Variants in GPC5 observed in about 807,000 individuals in gnomAD.
GPC5 encodes the protein glypican-5.
In GPC5, 47 loss-of-function variants were observed where a neutral mutation model predicts 53.9. That is an observed-to-expected ratio of 0.87 (90% CI 0.69 to 1.11). GPC5 has a LOEUF of 1.11. Ranked by LOEUF, GPC5 falls within the 50% of genes most tolerant of loss-of-function variation. GPC5 has a pLI of 0.00. For synonymous variants in GPC5, 286 were observed against 263.3 expected, an observed-to-expected ratio of 1.09 and a Z score of -0.84; for missense variants, 748 against 713.1, an observed-to-expected ratio of 1.05 and a Z score of -0.56.
chr13:92,271,661 G>A (rs2139156064), intron 7 of GPC5, among the ~76,000 whole-genome samples: 1 of 152,244 alleles, frequency 6.6e-6, no homozygotes, highest in Admixed American at 6.5e-5. Flanking sequence ...CTGAGATAAA[G>A]AAATCCAGGG....
chr13:92,628,902 C>A (rs1207175856), intron 7 of GPC5, among the ~76,000 whole-genome samples: 1 of 152,158 alleles, frequency 6.6e-6, no homozygotes, highest in Non-Finnish European at 1.5e-5. Flanking sequence ...TGGTGGGAAG[C>A]ATTTCCCATC....
intron 7 of GPC5, among the ~76,000 whole-genome samples, chr13:92,678,732 G>T (rs899506837): frequency 8.5e-5 from 13 of 152,152 alleles, no homozygotes; most frequent in African/African-American, 3.1e-4. Context: ...GGCTGATATG[G>T]TTCACAGCTT....
At chr13:91,552,982 G>A (rs2030736557) in intron 2 of GPC5, among the ~76,000 whole-genome samples, 1 of 152,028 alleles carries the variant, frequency 6.6e-6, no homozygotes, top group Admixed American at 6.6e-5. Flanking sequence ...AAATTTAATG[G>A]TGCATCATGG....
intron 7 of GPC5, among the ~76,000 whole-genome samples, chr13:92,192,510 C>A (rs1485281273): frequency 1.3e-5 from 2 of 151,952 alleles, no homozygotes; most frequent in Non-Finnish European, 2.9e-5. Context: ...ATGATCATTC[C>A]TTTTTTCACA....
At chr13:91,470,441 T>C (rs1342582256) in intron 2 of GPC5, among the ~76,000 whole-genome samples, 1 of 152,044 alleles carries the variant, frequency 6.6e-6, no homozygotes, top group Non-Finnish European at 1.5e-5. Context: ...GTAAAAAAAA[T>C]TGGAAGTGGG....
intron 7 of GPC5, among the ~76,000 whole-genome samples, chr13:92,158,937 A>T (rs970505665): frequency 1.3e-5 from 2 of 152,186 alleles, no homozygotes; most frequent in Non-Finnish European, 2.9e-5. Context: ...GAAGGCACCC[A>T]GATGCTTTTG....
At chr13:92,307,734 G>T (rs532156690) in intron 7 of GPC5, among the ~76,000 whole-genome samples, 8 of 152,100 alleles carry the variant, frequency 5.3e-5, no homozygotes, top group Non-Finnish European at 1.2e-4. Context: ...GGTAGGTGCT[G>T]GGATAAAGGA....
At chr13:91,909,564 T>A (rs1192528363) in intron 6 of GPC5, among the ~76,000 whole-genome samples, 1 of 152,124 alleles carries the variant, frequency 6.6e-6, no homozygotes, top group Non-Finnish European at 1.5e-5. Context: ...ATTAGTGCAA[T>A]AGCACATACA....
At chr13:91,884,426 G>C (rs2039301321) in intron 5 of GPC5, among the ~76,000 whole-genome samples, 1 of 152,248 alleles carries the variant, frequency 6.6e-6, no homozygotes, top group South Asian at 2.1e-4. Flanking sequence ...GCCATAAAAA[G>C]TGAGATCATG....
intron 6 of GPC5, among the ~76,000 whole-genome samples, chr13:92,054,035 A>G (rs1444102239): frequency 2.6e-5 from 1 of 37,874 alleles, no homozygotes; most frequent in East Asian, 1.3e-3. Context: ...TCCATTTCAA[A>G]TAAATAAATA....
chr13:92,495,704 G>A (rs1215916144), intron 7 of GPC5, among the ~76,000 whole-genome samples: 4 of 151,078 alleles, frequency 2.6e-5, no homozygotes, highest in Admixed American at 1.3e-4. Flanking sequence ...GTAGACAGGC[G>A]GTTTTTTGTT....
chr13:91,448,092 C>T (rs892366671), intron 1 of GPC5, among the ~76,000 whole-genome samples: 3 of 152,196 alleles, frequency 2.0e-5, no homozygotes, highest in Admixed American at 6.5e-5. Flanking sequence ...AATAACTTTA[C>T]ATTTCATGCA....
intron 7 of GPC5, among the ~76,000 whole-genome samples, chr13:92,608,880 A>C (rs751748635): frequency 1.1e-4 from 16 of 152,158 alleles, no homozygotes; most frequent in Admixed American, 5.9e-4. Flanking sequence ...ATAGGGGGCA[A>C]CTGTGCTATT....
intron 6 of GPC5, among the ~76,000 whole-genome samples, chr13:92,141,917 A>G (rs904286655): frequency 6.6e-5 from 10 of 152,094 alleles, no homozygotes; most frequent in African/African-American, 2.2e-4. Flanking sequence ...TTGCCATAGG[A>G]CCTTTGATAG....
chr13:91,530,076 A>G (rs942971825), intron 2 of GPC5, among the ~76,000 whole-genome samples: 7 of 152,170 alleles, frequency 4.6e-5, no homozygotes, highest in Non-Finnish European at 1.0e-4. Flanking sequence ...CTCTTTAATT[A>G]CAAGAAAATG....
At chr13:92,466,576 T>A (rs545926827) in intron 7 of GPC5, among the ~76,000 whole-genome samples, 1 of 152,126 alleles carries the variant, frequency 6.6e-6, no homozygotes, top group Non-Finnish European at 1.5e-5. Flanking sequence ...AAAATTCTTA[T>A]GGAAGCACTA....
intron 2 of GPC5, among the ~76,000 whole-genome samples, chr13:91,552,860 G>T (rs1450280809): frequency 6.6e-6 from 1 of 152,054 alleles, no homozygotes; most frequent in East Asian, 1.9e-4. Flanking sequence ...ATTTTGGGGG[G>T]CCTGCTCCCA....
At chr13:91,794,897 C>A (rs9301753) in intron 5 of GPC5, among the ~76,000 whole-genome samples, 49,524 of 151,922 alleles carry the variant, frequency 0.33, 9,529 homozygotes, top group East Asian at 0.65. Context: ...GTTCTAGAAC[C>A]TAATTTAAAG....
chr13:91,857,804 T>TA (rs1452145359), intron 5 of GPC5, among the ~76,000 whole-genome samples: 1 of 151,476 alleles, frequency 6.6e-6, no homozygotes, highest in Admixed American at 6.6e-5. Context: ...CCTCTACTCT[T>TA]AGTCTACTCT....
Sources: gnomAD v4.1 joint callset for allele counts (sites outside exome capture counted in the v4.1 genomes callset) on GRCh38, gnomAD v4.1.1 for gene constraint, MANE v1.5 for transcripts, NCBI Gene and HGNC (gene_info 2026-07-23, HGNC 2026-07-21) for gene names.